The following TRIM16 variants were observed in gnomAD, a reference collection of about 807,000 sequenced individuals.
The protein encoded by TRIM16 is tripartite motif-containing protein 16.
In TRIM16, 33 loss-of-function variants were observed where a neutral mutation model predicts 50.4. That is an observed-to-expected ratio of 0.65 (90% CI 0.50 to 0.88). The LOEUF is 0.88. Among genes scored for constraint, TRIM16 ranks in the 40% least tolerant of loss-of-function variants. The pLI is 0.00. For synonymous variants in TRIM16, 229 were observed against 270.7 expected, an observed-to-expected ratio of 0.85 and a Z score of 1.51; for missense variants, 581 against 686.8, an observed-to-expected ratio of 0.85 and a Z score of 1.72.
intron 4 of TRIM16, among the ~76,000 whole-genome samples, chr17:15,679,574 T>C (rs563832854): frequency 1.6e-4 from 24 of 152,308 alleles, no homozygotes; most frequent in African/African-American, 5.5e-4. Context: ...CCCAAGCCTA[T>C]TGTTTAGCCG....
chr17:15,648,237 A>C (rs942164549), intron 7 of TRIM16, among the ~76,000 whole-genome samples: 9 of 149,110 alleles, frequency 6.0e-5, no homozygotes, highest in Admixed American at 2.6e-4. Flanking sequence ...AAAAAAAAAA[A>C]AAACAAAAAA....
At chr17:15,643,872 G>A (rs1260921769) in intron 7 of TRIM16, among the ~76,000 whole-genome samples, 2 of 152,174 alleles carry the variant, frequency 1.3e-5, no homozygotes, top group Admixed American at 6.5e-5. Context: ...TAGCAGTTGA[G>A]ACTTTGGCCA....
chr17:15,629,375 A>G (rs1986286837), intron 11 of TRIM16, among the ~76,000 whole-genome samples, 177 bp from the exon 12 acceptor site: 1 of 152,268 alleles, frequency 6.6e-6, no homozygotes, highest in African/African-American at 2.4e-5. Flanking sequence ...CAGAAAACAG[A>G]GAGCACAAAT....
intron 7 of TRIM16, among the ~76,000 whole-genome samples, chr17:15,647,482 C>T (rs934658816): frequency 1.3e-5 from 2 of 152,252 alleles, no homozygotes; most frequent in Admixed American, 6.5e-5. Flanking sequence ...GGTTCAGCAT[C>T]GTGGCCTGGC....
intron 6 of TRIM16, among the ~76,000 whole-genome samples, chr17:15,668,501 C>T (rs1387939491): frequency 1.3e-5 from 2 of 152,136 alleles, no homozygotes; most frequent in African/African-American, 2.4e-5. Context: ...GAAAATGGCC[C>T]GTGGGGTCTT....
chr17:15,659,081 CAGG>C (rs1393117786), intron 6 of TRIM16, among the ~76,000 whole-genome samples: 3 of 151,932 alleles, frequency 2.0e-5, no homozygotes, highest in Non-Finnish European at 4.4e-5. Context: ...TTCACAAAGA[CAGG>C]AGGACACACC....
At chr17:15,653,575 T>C (rs1380031814) in intron 6 of TRIM16, among the ~76,000 whole-genome samples, 5 of 152,208 alleles carry the variant, frequency 3.3e-5, no homozygotes, top group African/African-American at 1.2e-4. Context: ...TGGTCTTCCC[T>C]TTGTACGTAT....
rs535141268 is a variant in TRIM16 at position 15,679,202 on chromosome 17, C to A, written c.-589-1481G>T. The stretch of plus-strand genomic sequence containing the variant: ...CCAACAGATGCAGACTCTTAATATA[C>A]ACTGGCAAACTAATTAGCAACTATG... On this transcript the variant is annotated intron_variant, in intron 4 of 11. Transcript: ENST00000649191. 8.2e-4 allele frequency among the ~76,000 whole-genome samples: 125 copies of A among 152,244 alleles called. 3 individuals are homozygous for A. Among genetic ancestry groups the A allele is most frequent in the African/African-American group, 2.8e-3 (117 of 41,536 alleles).
chr17:15,665,031 C>CAAA (rs10559243), intron 6 of TRIM16, among the ~76,000 whole-genome samples: 6 of 75,808 alleles, frequency 7.9e-5, no homozygotes, highest in Non-Finnish European at 7.8e-5. Flanking sequence ...GACTCCGTCT[C>CAAA]AAAAAAAAAA....
At position 15,651,446 on chromosome 17, in the gene TRIM16, GTCTCCCTGCCAAGCT is replaced by G. The variant is rs765064432; in HGVS notation, c.149_163del (p.Lys50_Glu54del). The stretch of plus-strand genomic sequence containing the variant: ...TGCAGAGTCGCTGTCCTGTTCCTCC[GTCTCCCTGCCAAGCT>G]TCTCCGAGGAGCCCACGTCCTCTTC... On this transcript the variant is annotated inframe_deletion, in exon 7 of 12. Coordinates refer to ENST00000649191, the MANE Select transcript of TRIM16 (RefSeq NM_001348119.1). 6.2e-7 allele frequency: 1 copy of G among 1,612,424 alleles called. No individual in the cohort carries two copies.
At chr17:15,652,418 C>T (rs984284881) in intron 6 of TRIM16, among the ~76,000 whole-genome samples, 5 of 143,178 alleles carry the variant, frequency 3.5e-5, no homozygotes, top group African/African-American at 1.3e-4. Context: ...CTCGGCCTCC[C>T]AAAGTGCTAG....
In TRIM16 at chr17:15,651,417, G is replaced by GC. The variant is rs776407777; in HGVS notation, c.192dup (p.Gln65AlafsTer7). On this transcript the variant is annotated frameshift_variant, in exon 7 of 12. Coordinates refer to ENST00000649191, the MANE Select transcript of TRIM16 (RefSeq NM_001348119.1). LOFTEE classifies it high-confidence loss of function. ...TTCCCCTCACCAGCAGGATCCCCCT[G>GC]CTCTGCAGAGTCGCTGTCCTGTTCC... The GC allele has an allele frequency of 4.3e-6, 7 of 1,613,966 alleles. No homozygotes were observed. The South Asian group carries it at 6.6e-5, about 15-fold the overall frequency.
chr17:15,639,385 T>C (rs896673), intron 8 of TRIM16, among the ~76,000 whole-genome samples: 2 of 148,302 alleles, frequency 1.3e-5, no homozygotes, highest in Non-Finnish European at 3.0e-5. Context: ...ACTTTTCCGT[T>C]GCCTGTTGGC....
intron 9 of TRIM16, among the ~76,000 whole-genome samples, chr17:15,634,372 G>A (rs1235430278): frequency 3.4e-5 from 5 of 147,468 alleles, no homozygotes; most frequent in Non-Finnish European, 7.5e-5. Context: ...GCTCACTCCT[G>A]TAATCGCAAC....
At chr17:15,647,816 T>TAC (rs558765410) in intron 7 of TRIM16, among the ~76,000 whole-genome samples, 18,735 of 138,990 alleles carry the variant, frequency 0.13, 1,465 homozygotes, top group Middle Eastern at 0.23. Context: ...CCAGATTTCA[T>TAC]ACACACACAC....
chr17:15,678,878 C>T (rs201335109), intron 4 of TRIM16, among the ~76,000 whole-genome samples: 23 of 75,364 alleles, frequency 3.1e-4, no homozygotes, highest in African/African-American at 7.3e-4. Context: ...GCAGACTCTC[C>T]TTTTTTTTTT....
chr17:15,650,149 C>G (rs1387760017), intron 7 of TRIM16, among the ~76,000 whole-genome samples: 2 of 152,150 alleles, frequency 1.3e-5, no homozygotes, highest in Non-Finnish European at 2.9e-5. Flanking sequence ...TCCTAGAAAC[C>G]TCTTTCCTTT....
At chr17:15,655,987 G>A (rs1339923803) in intron 6 of TRIM16, among the ~76,000 whole-genome samples, 1 of 152,164 alleles carries the variant, frequency 6.6e-6, no homozygotes, top group Non-Finnish European at 1.5e-5. Flanking sequence ...TTGCGGTGGG[G>A]TCTAAGTGCA....
Position 15,630,480 on chromosome 17 carries a change from C to A in TRIM16, c.1111+1139G>T, listed in dbSNP as rs531056503. ...AGAGAAGATGCTCAGTATATACTTG[C>A]CAAATGAATTAGCATATTAAAGGCT... On this transcript the variant is annotated intron_variant, in intron 11 of 11. Coordinates refer to ENST00000649191, the MANE Select transcript of TRIM16 (RefSeq NM_001348119.1). Among the ~76,000 whole-genome samples, 5 of 152,218 alleles carry A rather than the reference C, an allele frequency of 3.3e-5. 1 individual carries two copies. In the South Asian group the frequency reaches 8.3e-4, roughly 25 times the overall value.
Sources: gnomAD v4.1 joint callset for allele counts (sites outside exome capture counted in the v4.1 genomes callset) on GRCh38, gnomAD v4.1.1 for gene constraint, MANE v1.5 for transcripts, NCBI Gene and HGNC (gene_info 2026-07-23, HGNC 2026-07-21) for gene names.